ZNF114: variants seen among roughly 807,000 people sequenced by gnomAD.
ZNF114 encodes zinc finger protein 114.
In ZNF114, 8 loss-of-function variants were observed where a neutral mutation model predicts 6.8. That is an observed-to-expected ratio of 1.18 (90% CI 0.69 to 2.13). The LOEUF (loss-of-function observed/expected upper bound fraction) is 2.13. Ranked by LOEUF, ZNF114 falls within the 30% of genes most tolerant of loss-of-function variation. The probability of loss-of-function intolerance (pLI) is 0.00; values close to 1 mark genes in which losing one functional copy is unlikely to be tolerated. For missense variants in ZNF114, 472 were observed against 519.5 expected (o/e 0.91, Z 0.89); for synonymous variants, 169 against 185.5 (o/e 0.91, Z 0.72).
chr19:48,277,794 G>GGGGGGGTGTGTGTGTGTGTGT (rs1330052475), intron 3 of ZNF114, among the ~76,000 whole-genome samples: 1 of 119,338 alleles, frequency 8.4e-6, no homozygotes, highest in African/African-American at 3.3e-5. Context: ...GGAGGCATTG[G>GGGGGGGTGTGTGTGTGTGTGT]GTGTGTGTGT....
chr19:48,282,465 T>A lies in ZNF114; in HGVS notation c.104T>A (p.Met35Lys), dbSNP rs751216041. The change falls in exon 5 of 6, where the codon ATG (methionine) becomes AAG (lysine). Residue 35 changes from methionine to lysine, a missense_variant. Transcript: ENST00000595607. The stretch of plus-strand genomic sequence containing the variant: ...CAGAGGAATCTCTACAGAGACGTGA[T>A]GCTGGAAAATTCTAGGAACTTGGCA... ...PAQRNLYRDV[M>K]LENSRNLAFI... 6.2e-7 allele frequency: 1 copy of A among 1,610,450 alleles called. No individual in the cohort carries two copies. The highest frequency in any genetic ancestry group is 1.1e-5 in the South Asian group (1 of 90,764).
chr19:48,281,146 A>C (rs1021370025), intron 4 of ZNF114, among the ~76,000 whole-genome samples: 2 of 152,106 alleles, frequency 1.3e-5, no homozygotes, highest in Non-Finnish European at 2.9e-5. Flanking sequence ...CTGTCTCAGA[A>C]GAAAGAGCAC....
At chr19:48,275,019 G>A (rs1219023101) in intron 3 of ZNF114, among the ~76,000 whole-genome samples, 1 of 151,506 alleles carries the variant, frequency 6.6e-6, no homozygotes, top group Non-Finnish European at 1.5e-5. Context: ...ACTCACGCCT[G>A]TGATCCCAGC....
At position 48,286,493 on chromosome 19, in the gene ZNF114, A is replaced by G; in HGVS notation, c.869A>G (p.Asn290Ser). ...QTGATSANAPNSGSHKSHCTG... is the reference protein window; with the variant it reads ...QTGATSANAPSSGSHKSHCTG... ...GGGGCAACCTCTGCCAACGCTCCAA[A>G]TTCCGGTTCACACAAGAGTCATTGC... is the stretch of plus-strand genomic sequence containing the variant. The change falls in exon 6 of 6, where the codon AAT (asparagine) becomes AGT (serine). Residue 290 changes from asparagine to serine, a missense_variant. Transcript: ENST00000595607. The G allele has an allele frequency of 6.2e-7, 1 of 1,614,194 alleles. No individual in the cohort carries two copies. Among genetic ancestry groups the G allele is most frequent in the Non-Finnish European group, 8.5e-7 (1 of 1,180,030 alleles).
At chr19:48,270,566 GA>G (rs767125256) in intron 1 of ZNF114, among the ~76,000 whole-genome samples, 7 of 118,712 alleles carry the variant, frequency 5.9e-5, no homozygotes, top group Non-Finnish European at 1.0e-4. Context: ...GAAAGAGAAA[GA>G]AAAAAGAAAG....
At chr19:48,282,693 ATATTT>A (rs139550788) in intron 5 of ZNF114, among the ~76,000 whole-genome samples, 196 bp downstream of exon 5, 66,169 of 149,774 alleles carry the variant, frequency 0.44, 15,421 homozygotes, top group Non-Finnish European at 0.52. Context: ...ATTTTATTTT[ATATTT>A]TATTTTATTT....
At position 48,287,498 on chromosome 19, in the gene ZNF114, A is replaced by G. The variant is rs922143380; in HGVS notation, c.*620A>G. 1.4e-5 allele frequency: 2 copies of G among 147,356 alleles called. No individual in the cohort carries two copies. The highest frequency in any genetic ancestry group is 3.0e-5 in the Non-Finnish European group (2 of 66,560). 9.1% of individuals were successfully genotyped at this position (147,356 alleles called of 1,614,324 possible). A position where few individuals can be genotyped will look rare whatever the true frequency, so the allele number is the denominator to read the frequency against. ...GGGGAAAGAGCGAGACTCCGTCTCA[A>G]AAAAAAAAAAAAGTAGGAAAGACCT... On this transcript the variant is annotated 3_prime_UTR_variant, in exon 6 of 6. Coordinates refer to ENST00000595607, the MANE Select transcript of ZNF114 (RefSeq NM_153608.4).
At chr19:48,273,087 G>T (rs893014206) in intron 3 of ZNF114, among the ~76,000 whole-genome samples, 3 of 152,304 alleles carry the variant, frequency 2.0e-5, no homozygotes, top group South Asian at 4.1e-4. Context: ...GAGCCACAGC[G>T]CCTGGCCAGA....
intron 3 of ZNF114, among the ~76,000 whole-genome samples, chr19:48,278,915 C>T (rs1389137653): frequency 1.3e-5 from 2 of 151,776 alleles, no homozygotes; most frequent in Non-Finnish European, 2.9e-5. Flanking sequence ...TGCACTCCAG[C>T]CTGGGCAACA....
intron 3 of ZNF114, among the ~76,000 whole-genome samples, chr19:48,272,673 CAAAAAAAAAAAA>C (rs57823987): frequency 2.3e-4 from 9 of 39,228 alleles, no homozygotes; most frequent in Admixed American, 3.8e-4. Flanking sequence ...GACTCTCTCT[CAAAAAAAAAAAA>C]AAAAAAAAAA....
intron 3 of ZNF114, among the ~76,000 whole-genome samples, chr19:48,273,337 C>T (rs1280462195): frequency 6.6e-6 from 1 of 151,994 alleles, no homozygotes; most frequent in East Asian, 1.9e-4. Flanking sequence ...GGTATATCTT[C>T]GTCATGGACA....
chr19:48,274,772 C>T (rs184033931), intron 3 of ZNF114, among the ~76,000 whole-genome samples: 6 of 151,852 alleles, frequency 4.0e-5, no homozygotes, highest in Admixed American at 6.6e-5. Context: ...TCCCAAAGTG[C>T]TGGGATTACA....
Position 48,286,590 on chromosome 19 carries a change from T to A in ZNF114, c.966T>A (p.His322Gln). ...TTTATCAGTCATTCCTTATGAGACA[T>A]ATGAAAATTCACACTGGAGAGAAAC... ...AFFYQSFLMR[H>Q]MKIHTGEKPY... The change falls in exon 6 of 6, where the codon CAT (histidine) becomes CAA (glutamine). Residue 322 changes from histidine to glutamine, a missense_variant. Coordinates refer to ENST00000595607, the MANE Select transcript of ZNF114 (RefSeq NM_153608.4). The A allele has an allele frequency of 1.9e-6, 3 of 1,614,086 alleles. No individual in the cohort carries two copies. The highest frequency in any genetic ancestry group is 2.5e-6 in the Non-Finnish European group (3 of 1,180,030).
chr19:48,273,021 T>TC (rs982430444), intron 3 of ZNF114, among the ~76,000 whole-genome samples: 17 of 152,110 alleles, frequency 1.1e-4, no homozygotes, highest in Non-Finnish European at 1.9e-4. Flanking sequence ...GGTCTCGAGC[T>TC]CCTGACCTCG....
At position 48,276,528 on chromosome 19, in the gene ZNF114, T is replaced by TA. The variant is rs1363162305; in HGVS notation, c.-69-3203_-69-3202insA. Reference sequence around the variant, plus strand: ...TTTTATTAAGGTTGCAAAATGATGATTTTTTTTTGTTGAGATAGGGCCTCA... The same window carrying TA: ...TTTTATTAAGGTTGCAAAATGATGATATTTTTTTTGTTGAGATAGGGCCTCA... On this transcript the variant is annotated intron_variant, in intron 3 of 5. Coordinates refer to ENST00000595607, the MANE Select transcript of ZNF114 (RefSeq NM_153608.4). 5.3e-5 allele frequency among the ~76,000 whole-genome samples: 8 copies of TA among 151,740 alleles called. No homozygotes were observed. The East Asian group carries it at 1.6e-3, about 29-fold the overall frequency.
chr19:48,273,352 G>A (rs1250054758), intron 3 of ZNF114, among the ~76,000 whole-genome samples: 1 of 151,978 alleles, frequency 6.6e-6, no homozygotes, highest in Non-Finnish European at 1.5e-5. Context: ...TGGACAATCA[G>A]GCAAAAGCCA....
intron 3 of ZNF114, among the ~76,000 whole-genome samples, chr19:48,274,979 G>T (rs1043966662): frequency 6.6e-6 from 1 of 151,320 alleles, no homozygotes; most frequent in Non-Finnish European, 1.5e-5. Context: ...TCCTTGTGTC[G>T]TTGAAAGTTA....
chr19:48,284,751 T>C (rs563642856), intron 5 of ZNF114, among the ~76,000 whole-genome samples: 1 of 152,286 alleles, frequency 6.6e-6, no homozygotes, highest in East Asian at 1.9e-4. Context: ...TTTTTGACTT[T>C]TATCCATCCT....
At position 48,274,757 on chromosome 19, in the gene ZNF114, C is replaced by T. The variant is rs560590360; in HGVS notation, c.-70+2929C>T. Among the ~76,000 whole-genome samples, 441 of 151,934 alleles carry T rather than the reference C, an allele frequency of 2.9e-3. 4 individuals carry two copies. Among genetic ancestry groups the T allele is most frequent in the African/African-American group, 0.01 (424 of 41,478 alleles). On this transcript the variant is annotated intron_variant, in intron 3 of 5. Transcript: ENST00000595607. ...CCAACCTCAGGTGATCTGCCCGCCT[C>T]GGCCTCCCAAAGTGCTGGGATTACA...
Sources: gnomAD v4.1 joint callset for allele counts (sites outside exome capture counted in the v4.1 genomes callset) on GRCh38, gnomAD v4.1.1 for gene constraint, MANE v1.5 for transcripts, NCBI Gene and HGNC (gene_info 2026-07-23, HGNC 2026-07-21) for gene names.